The following CYP46A1 variants were observed in gnomAD, a reference collection of about 807,000 sequenced individuals.
CYP46A1 encodes the protein cytochrome P450 family 46 subfamily A member 1, also known as cholesterol 24-hydroxylase.
CYP46A1 carries 20 observed loss-of-function variants against 63.3 expected under a neutral mutation model. The ratio of observed to expected loss-of-function variants is 0.32; its 90% CI spans 0.22 to 0.46. The LOEUF (loss-of-function observed/expected upper bound fraction) is 0.46. Among genes scored for constraint, CYP46A1 ranks in the 20% least tolerant of loss-of-function variants. The pLI is 1.00. For synonymous variants in CYP46A1, 268 were observed against 273.6 expected (o/e 0.98, Z 0.20); for missense variants, 445 against 670.8 (o/e 0.66, Z 3.72).
intron 3 of CYP46A1, among the ~76,000 whole-genome samples, chr14:99,697,665 G>A (rs947382583): frequency 2.6e-5 from 4 of 152,210 alleles, no homozygotes; most frequent in African/African-American, 9.6e-5. Context: ...GTCCTTAGCA[G>A]TTTCTCCTTC....
Position 99,721,918 on chromosome 14 carries a change from C to A in CYP46A1, c.1066-38C>A, listed in dbSNP as rs752661815. 3.2e-6 allele frequency: 5 copies of A among 1,559,328 alleles called. No homozygotes were observed. In the South Asian group the frequency reaches 5.6e-5, roughly 17 times the overall value. ...CGGCCGGCATGATCTGTGGCCTCTC[C>A]CGACTCTCCTTGTTATCTCCCCTTG... On this transcript the variant is annotated intron_variant, in intron 11 of 14. Transcript: ENST00000261835.
In CYP46A1 at chr14:99,706,728, G is replaced by A; in HGVS notation, c.525G>A (p.Gln175=). The A allele has an allele frequency of 6.2e-7, 1 of 1,613,784 alleles. No individual in the cohort carries two copies. Among genetic ancestry groups the A allele is most frequent in the Non-Finnish European group, 8.5e-7 (1 of 1,180,006 alleles). ...VEILEAKADG[Q]TPVSMQDMLT... ...TTCTAGAAGCCAAGGCAGATGGGCA[G>A]ACCCCAGTGTCCATGCAGGACATGC... The change falls in exon 6 of 15, where the codon CAG becomes CAA. Residue 175 remains glutamine (Q), a synonymous_variant. Transcript: ENST00000261835.
Position 99,700,377 on chromosome 14 carries a change from C to T in CYP46A1, c.443+276C>T, listed in dbSNP as rs12895121. ...GGCCAGAAGCATGGGGGTTCCTGTC[C>T]TCCAAGAGCTCCCCACATCAGACCT... is the stretch of plus-strand genomic sequence containing the variant. On this transcript the variant is annotated intron_variant, in intron 5 of 14. Transcript: ENST00000261835. Among the ~76,000 whole-genome samples the T allele has an allele frequency of 6.7e-3, 1,019 of 152,096 alleles. 5 individuals are homozygous for T. Among genetic ancestry groups the T allele is most frequent in the Non-Finnish European group, 0.012 (801 of 67,966 alleles).
rs866697352 is a variant in CYP46A1, at chr14:99,688,953, C to T, written c.120-2128C>T. Among the ~76,000 whole-genome samples, 67 of 152,198 alleles carry T rather than the reference C, an allele frequency of 4.4e-4. 1 individual carries two copies. The highest frequency in any genetic ancestry group is 1.0e-3 in the Admixed American group (16 of 15,288). ...CTCACCCAACTCTCCTGGCTCTCTT[C>T]CCTCCTCCCCAGTGCTCCCGCTCAG... On this transcript the variant is annotated intron_variant, in intron 1 of 14. Transcript: ENST00000261835.
chr14:99,721,695 C>G (rs2140140668), intron 11 of CYP46A1, among the ~76,000 whole-genome samples: 1 of 152,306 alleles, frequency 6.6e-6, no homozygotes, highest in Admixed American at 6.5e-5. Context: ...CTGTGGCTCT[C>G]TGGAATGGTG....
At chr14:99,710,875 A>G (rs1031503733) in intron 7 of CYP46A1, 4 of 152,198 alleles carry the variant, frequency 2.6e-5, no homozygotes, top group Non-Finnish European at 4.4e-5. Context: ...CATTCTTCTC[A>G]TCAGCACATG....
chr14:99,712,998 G>C (rs1281438733), intron 7 of CYP46A1: 1 of 152,172 alleles, frequency 6.6e-6, no homozygotes, highest in Non-Finnish European at 1.5e-5. Flanking sequence ...ATATATTCAT[G>C]TATTTACAGG....
chr14:99,721,488 G>A (rs1364287469), intron 11 of CYP46A1, among the ~76,000 whole-genome samples, 165 bp downstream of exon 11: 2 of 152,182 alleles, frequency 1.3e-5, no homozygotes, highest in Admixed American at 6.5e-5. Flanking sequence ...CCAGACTAAT[G>A]ACATCAGAGT....
intron 3 of CYP46A1, among the ~76,000 whole-genome samples, chr14:99,698,539 C>T (rs1444828718): frequency 1.3e-5 from 2 of 152,172 alleles, no homozygotes; most frequent in Non-Finnish European, 2.9e-5. Context: ...CAGCTGTGCA[C>T]CTGGCATTTA....
intron 2 of CYP46A1, 74 bp from the exon 3 acceptor site, chr14:99,691,706 C>T: frequency 1.4e-6 from 2 of 1,411,908 alleles, no homozygotes; most frequent in Non-Finnish European, 1.0e-6. Flanking sequence ...ACATCGGTTT[C>T]TCAGCTGGGC....
At position 99,726,190 on chromosome 14, in the gene CYP46A1, G is replaced by T; in HGVS notation, c.1266G>T (p.Lys422Asn). Residue 422 changes from lysine (K) to asparagine (N), a missense_variant and splice_region_variant, in exon 14 of 15, where the codon AAG becomes AAT. This residue lies in a region of CYP46A1 where 95 missense variants were observed against 156.9 expected (regional missense o/e 0.61). Transcript: ENST00000261835. ...TCGTGATTCCTCTCTTTCCCTGCAG[G>T]CCACGGTTCACCTACTTCCCCTTCT... The part of the protein sequence containing the change: ...NPDRFGPGAP[K>N]PRFTYFPFSL... 1 of 1,613,896 alleles carries T rather than the reference G, an allele frequency of 6.2e-7. No individual in the cohort carries two copies. Among genetic ancestry groups the T allele is most frequent in the Non-Finnish European group, 8.5e-7 (1 of 1,179,938 alleles).
chr14:99,689,263 C>T (rs962201686), intron 1 of CYP46A1, among the ~76,000 whole-genome samples: 1 of 152,194 alleles, frequency 6.6e-6, no homozygotes, highest in Non-Finnish European at 1.5e-5. Flanking sequence ...CCCCCCAAAG[C>T]TGATCCTGAG....
intron 9 of CYP46A1, among the ~76,000 whole-genome samples, 183 bp downstream of exon 9, chr14:99,716,382 C>T (rs1042953476): frequency 1.3e-5 from 2 of 152,192 alleles, no homozygotes; most frequent in African/African-American, 4.8e-5. Flanking sequence ...GGCCTCTGAC[C>T]TGGTAATGCA....
chr14:99,713,525 A>T (rs1288693108), intron 7 of CYP46A1: 1 of 152,148 alleles, frequency 6.6e-6, no homozygotes, highest in Non-Finnish European at 1.5e-5. Context: ...GCTCCAGGAC[A>T]TTGGTGTAGG....
intron 7 of CYP46A1, chr14:99,712,263 C>A (rs560707608): frequency 6.6e-6 from 1 of 152,056 alleles, no homozygotes; most frequent in Non-Finnish European, 1.5e-5. Context: ...TCTTATTCAA[C>A]GTAGTACTAT....
chr14:99,718,190 C>T (rs1327241499), intron 10 of CYP46A1, 64 bp downstream of exon 10: 3 of 1,385,790 alleles, frequency 2.2e-6, no homozygotes, highest in African/African-American at 1.4e-5. Context: ...TGAGGGCCAC[C>T]TGCCCCCACC....
rs2056546639 is a variant in CYP46A1, at chr14:99,691,867, A to G, written c.282+6A>G. The G allele has an allele frequency of 2.5e-6, 4 of 1,614,086 alleles. No individual in the cohort carries two copies. The highest frequency in any genetic ancestry group is 3.4e-6 in the Non-Finnish European group (4 of 1,179,954). On this transcript the variant is annotated splice_donor_region_variant and intron_variant, in intron 3 of 14. Coordinates refer to ENST00000261835, the MANE Select transcript of CYP46A1 (RefSeq NM_006668.2). ...CGAGTCCTGAGTCGGTTAAGGTAGG[A>G]GGAAGAGTGGTTTCCATGAGGGAGT...
chr14:99,712,324 G>A (rs570705443), intron 7 of CYP46A1: 13 of 152,184 alleles, frequency 8.5e-5, no homozygotes, highest in Admixed American at 2.6e-4. Flanking sequence ...AATAAAAGAC[G>A]TCCAAATTGG....
rs55679517 is a variant in CYP46A1, at chr14:99,719,378, A to ATTTTTTTTTT, written c.980+1256_980+1265dup. Among the ~76,000 whole-genome samples, 1,062 of 142,442 alleles carry ATTTTTTTTTT rather than the reference A, an allele frequency of 7.5e-3. 19 individuals are homozygous for ATTTTTTTTTT. The highest frequency in any genetic ancestry group is 0.027 in the African/African-American group (1,010 of 37,294). The allele number at this position is 142,442 out of a possible 152,430, so 93.4% of individuals were successfully genotyped here. A position where few individuals can be genotyped will look rare whatever the true frequency, so the allele number is the denominator to read the frequency against. On this transcript the variant is annotated intron_variant, in intron 10 of 14. Coordinates refer to ENST00000261835, the MANE Select transcript of CYP46A1 (RefSeq NM_006668.2). The stretch of plus-strand genomic sequence containing the variant: ...AGGTGTGCACCACCACACCTGGCTA[A>ATTTTTTTTTT]TTTTTTTTTTTTTGTGTATTTTTAG...
Sources: allele counts gnomAD v4.1 joint callset (sites outside exome capture counted in the v4.1 genomes callset), GRCh38; gene constraint gnomAD v4.1.1; regional missense constraint gnomAD v4.1.1; transcripts MANE v1.5; gene names NCBI Gene and HGNC (gene_info 2026-07-23, HGNC 2026-07-21).